Variants in NVL observed in about 807,000 individuals in gnomAD.
NVL encodes the protein nuclear VCP like.
NVL carries 84 observed loss-of-function variants against 110.2 expected under a neutral mutation model. The observed-to-expected ratio is 0.76, with a 90% CI of 0.64 to 0.91. NVL has a LOEUF of 0.91. NVL is among the 40% of genes least tolerant of loss of function. NVL has a pLI of 0.00. For missense variants in NVL, 882 were observed against 1,035.9 expected (o/e 0.85, Z 2.04); for synonymous variants, 354 against 361.1 (o/e 0.98, Z 0.22).
intron 19 of NVL, among the ~76,000 whole-genome samples, chr1:224,245,446 C>G (rs764441707): frequency 6.6e-6 from 1 of 152,190 alleles, no homozygotes; most frequent in Non-Finnish European, 1.5e-5. Flanking sequence ...ACCAGGCCAA[C>G]GCAGGCAGAC....
intron 18 of NVL, among the ~76,000 whole-genome samples, chr1:224,254,742 T>C (rs1208547411): frequency 6.6e-6 from 1 of 151,804 alleles, no homozygotes; most frequent in Non-Finnish European, 1.5e-5. Flanking sequence ...TGTGTATACA[T>C]TGTGGAATGG....
intron 20 of NVL, 83 bp downstream of exon 20, chr1:224,236,423 G>A: frequency 9.9e-7 from 1 of 1,005,082 alleles, no homozygotes; most frequent in Non-Finnish European, 1.6e-6. Flanking sequence ...ACAATCTGCT[G>A]AGGTGAGCAT....
intron 18 of NVL, among the ~76,000 whole-genome samples, chr1:224,256,487 TTCTACATGC>T (rs1439236687): frequency 1.3e-5 from 2 of 149,130 alleles, no homozygotes; most frequent in African/African-American, 4.9e-5. Context: ...TTAAAGCCAG[TTCTACATGC>T]CCCAAGGTAA....
intron 9 of NVL, among the ~76,000 whole-genome samples, chr1:224,303,522 G>A (rs558397957): frequency 6.7e-6 from 1 of 149,290 alleles, no homozygotes; most frequent in South Asian, 2.1e-4. Context: ...AATCCCTCAA[G>A]TTGCTCGTGA....
Position 224,328,157 on chromosome 1 carries a change from G to C in NVL, c.58-1693C>G, listed in dbSNP as rs140827364. ...TACATAGGTATACAGGTGCCATGGT[G>C]GTTTCCTGCACCCATCAACCCGTCA... On this transcript the variant is annotated intron_variant, in intron 1 of 22. Coordinates refer to ENST00000281701, the MANE Select transcript of NVL (RefSeq NM_002533.4). Among the ~76,000 whole-genome samples the C allele has an allele frequency of 4.5e-3, 679 of 152,142 alleles. 1 individual carries two copies. Among genetic ancestry groups the C allele is most frequent in the African/African-American group, 0.016 (655 of 41,500 alleles).
chr1:224,259,960 G>T (rs546099101), intron 18 of NVL, among the ~76,000 whole-genome samples: 2 of 151,344 alleles, frequency 1.3e-5, no homozygotes, highest in Admixed American at 6.6e-5. Context: ...ATGAGCCATC[G>T]CATCCAGCCG....
At chr1:224,304,648 A>T (rs904351243) in intron 8 of NVL, 88 bp downstream of exon 8, 6 of 1,154,512 alleles carry the variant, frequency 5.2e-6, no homozygotes, top group African/African-American at 1.5e-5. Flanking sequence ...CTACACCCAG[A>T]TCATATTAGA....
intron 1 of NVL, 65 bp downstream of exon 1, chr1:224,330,006 G>A (rs1159427359): frequency 3.3e-5 from 50 of 1,514,760 alleles, no homozygotes; most frequent in Non-Finnish European, 4.4e-5. Flanking sequence ...CCCGACAAAA[G>A]GGGAGTGGCA....
At chr1:224,310,987 C>A (rs1669462146) in intron 5 of NVL, among the ~76,000 whole-genome samples, 1 of 152,182 alleles carries the variant, frequency 6.6e-6, no homozygotes, top group African/African-American at 2.4e-5. Flanking sequence ...CCTGCCTCAG[C>A]CTCCCAAAGT....
rs191727609 is a variant in NVL, at chr1:224,287,243, T to C, written c.1794+532A>G. ...GGATCTCATGGAGACAGAGAGCAAA[T>C]TGATGGTTACCAGAGGCTGGGAAGG... On this transcript the variant is annotated intron_variant, in intron 14 of 22. Transcript: ENST00000281701. Among the ~76,000 whole-genome samples, 13 of 152,048 alleles carry C rather than the reference T, an allele frequency of 8.5e-5. No homozygotes were observed. In the East Asian group the frequency reaches 1.9e-3, roughly 23 times the overall value.
intron 15 of NVL, among the ~76,000 whole-genome samples, chr1:224,284,109 G>A (rs1293945396): frequency 6.6e-6 from 1 of 152,024 alleles, no homozygotes; most frequent in Non-Finnish European, 1.5e-5. Context: ...ACATAGGGAA[G>A]ACAGTTCTAA....
chr1:224,251,001 C>T (rs772479838), intron 18 of NVL, among the ~76,000 whole-genome samples: 5 of 151,622 alleles, frequency 3.3e-5, no homozygotes, highest in African/African-American at 4.8e-5. Context: ...CGGCTGGGCG[C>T]GGGGGCTCAC....
At chr1:224,236,729 G>C (rs985334826) in intron 19 of NVL, 147 bp from the exon 20 acceptor site, 14 of 596,554 alleles carry the variant, frequency 2.3e-5, no homozygotes, top group Non-Finnish European at 3.7e-5. Flanking sequence ...TGTGGAACAT[G>C]GTAAAACCCC....
chr1:224,295,693 A>C (rs929860357), intron 11 of NVL, among the ~76,000 whole-genome samples: 3 of 151,360 alleles, frequency 2.0e-5, no homozygotes, highest in Non-Finnish European at 2.9e-5. Context: ...AAAAAAAAAA[A>C]ACACCCAGGC....
chr1:224,322,413 CA>C (rs1344473538), intron 2 of NVL, among the ~76,000 whole-genome samples: 1 of 151,938 alleles, frequency 6.6e-6, no homozygotes, highest in Non-Finnish European at 1.5e-5. Context: ...AAATTCTGAT[CA>C]GGGGAAGGAA....
At chr1:224,323,352 T>A (rs140417544) in intron 2 of NVL, among the ~76,000 whole-genome samples, 1 of 152,136 alleles carries the variant, frequency 6.6e-6, no homozygotes, top group Admixed American at 6.6e-5. Flanking sequence ...AACCTGAAGA[T>A]TGGAAAATTC....
chr1:224,243,072 G>A lies in NVL; in HGVS notation c.2290-6490C>T, dbSNP rs967596121. Among the ~76,000 whole-genome samples the A allele has an allele frequency of 5.3e-5, 8 of 151,980 alleles. 1 individual carries two copies. The East Asian group carries it at 5.8e-4, about 11-fold the overall frequency. On this transcript the variant is annotated intron_variant, in intron 19 of 22. Coordinates refer to ENST00000281701, the MANE Select transcript of NVL (RefSeq NM_002533.4). ...GCTGGGATTACAGGTGTGAGCCACC[G>A]TACCTGGCCAGTAATTTTATTTATT...
At chr1:224,304,995 C>T (rs1051953568) in intron 7 of NVL, 39 bp downstream of exon 7, 2 of 1,605,940 alleles carry the variant, frequency 1.2e-6, no homozygotes, top group South Asian at 2.2e-5. Context: ...TCTCTCACTG[C>T]AAACATGACC....
intron 9 of NVL, among the ~76,000 whole-genome samples, chr1:224,301,143 T>TACC (rs1312891551): frequency 1.3e-5 from 2 of 152,012 alleles, no homozygotes; most frequent in African/African-American, 4.8e-5. Context: ...TGCAAACACA[T>TACC]TTAAGTGGAT....
Sources: gnomAD v4.1 joint callset for allele counts (sites outside exome capture counted in the v4.1 genomes callset) on GRCh38, gnomAD v4.1.1 for gene constraint, MANE v1.5 for transcripts, NCBI Gene and HGNC (gene_info 2026-07-23, HGNC 2026-07-21) for gene names.